Variants in VPS13B observed in about 807,000 individuals in gnomAD.
VPS13B encodes the protein intermembrane lipid transfer protein VPS13B.
In VPS13B, 285 loss-of-function variants were observed where a neutral mutation model predicts 426.4. The observed-to-expected ratio is 0.67, with a 90% confidence interval of 0.61 to 0.74. The LOEUF is 0.74. VPS13B is among the 30% of genes least tolerant of loss of function. VPS13B has a pLI of 0.00. For missense variants in VPS13B, 4,537 were observed against 4,782.6 expected (o/e 0.95, Z 1.51); for synonymous variants, 1,676 against 1,676.4 (o/e 1.00, Z 0.01).
chr8:99,642,203 A>C lies in VPS13B; in HGVS notation c.5613A>C (p.Thr1871=), dbSNP rs1417569777. ...KPNQACISTV[T]AEDLLRSSIS... The stretch of plus-strand genomic sequence containing the variant: ...ACCAGGCATGTATTTCCACGGTGAC[A>C]GCAGAAGATCTCTTAAGGAGCAGCA... Residue 1871 remains threonine (T), a synonymous_variant, in exon 34 of 62, where the codon ACA becomes ACC. Transcript: ENST00000357162. The C allele has an allele frequency of 2.5e-6, 4 of 1,614,066 alleles. No individual in the cohort carries two copies. Among genetic ancestry groups the C allele is most frequent in the Non-Finnish European group, 3.4e-6 (4 of 1,180,030 alleles).
intron 17 of VPS13B, among the ~76,000 whole-genome samples, chr8:99,273,945 C>CATTTACTTTT (rs1818752555): frequency 6.6e-6 from 1 of 151,872 alleles, no homozygotes; most frequent in Non-Finnish European, 1.5e-5. Context: ...AGTATTTGTG[C>CATTTACTTTT]ATTTACTTTT....
chr8:99,697,220 G>T, intron 35 of VPS13B: 1 of 571,124 alleles, frequency 1.8e-6, no homozygotes, highest in East Asian at 3.4e-5. Flanking sequence ...ACAAGGTAAA[G>T]CTGGAGGTCA....
At chr8:99,167,138 T>G (rs1390459866) in intron 15 of VPS13B, among the ~76,000 whole-genome samples, 1 of 152,186 alleles carries the variant, frequency 6.6e-6, no homozygotes, top group Non-Finnish European at 1.5e-5. Flanking sequence ...ATGAGATGAT[T>G]GAGTTAAATA....
At chr8:99,264,221 TA>T (rs901467443) in intron 17 of VPS13B, among the ~76,000 whole-genome samples, 7 of 152,022 alleles carry the variant, frequency 4.6e-5, no homozygotes, top group Admixed American at 1.3e-4. Context: ...TTTTTTTTTT[TA>T]ATGCTTTTTC....
chr8:99,688,066 G>T (rs181331142), intron 35 of VPS13B, among the ~76,000 whole-genome samples: 1 of 151,728 alleles, frequency 6.6e-6, no homozygotes, highest in Non-Finnish European at 1.5e-5. Context: ...ATGGGTTGGG[G>T]GAAGTGGGCT....
At chr8:99,425,506 A>T (rs1816645345) in intron 21 of VPS13B, among the ~76,000 whole-genome samples, 1 of 152,186 alleles carries the variant, frequency 6.6e-6, no homozygotes. Context: ...CCTTTGACAA[A>T]ATTCAACAGC....
rs146073786 is a variant in VPS13B at position 99,699,581 on chromosome 8, C to T, written c.6103C>T (p.Leu2035=). The part of the protein sequence containing the change: ...PLKANLSFTK[L]DQINLFLKKI... ...GAAAGCAAACCTGAGTTTCACCAAA[C>T]TGGATCAGATAAACCTTTTTTTAAA... The change falls in exon 36 of 62, where the codon CTG becomes TTG. Residue 2035 remains leucine, a synonymous_variant. Coordinates refer to ENST00000357162, the MANE Select transcript of VPS13B (RefSeq NM_152564.5). 3.1e-6 allele frequency: 5 copies of T among 1,614,076 alleles called. No individual in the cohort carries two copies. The East Asian group carries it at 8.9e-5, about 29-fold the overall frequency.
intron 21 of VPS13B, among the ~76,000 whole-genome samples, chr8:99,429,327 T>C (rs1816953937): frequency 6.6e-6 from 1 of 152,076 alleles, no homozygotes. Flanking sequence ...GTTGGATATC[T>C]GATGAAAAGG....
At chr8:99,181,581 C>T (rs901733384) in intron 16 of VPS13B, among the ~76,000 whole-genome samples, 1 of 152,152 alleles carries the variant, frequency 6.6e-6, no homozygotes, top group African/African-American at 2.4e-5. Flanking sequence ...AATGAGTTAA[C>T]AAATATGAGC....
chr8:99,808,566 G>A (rs16897726), intron 43 of VPS13B, among the ~76,000 whole-genome samples: 10,057 of 149,614 alleles, frequency 0.067, 501 homozygotes, highest in African/African-American at 0.14. Context: ...ATCATAGAAC[G>A]TTGTTTTCAT....
At chr8:99,835,874 T>C in intron 54 of VPS13B, 136 bp downstream of exon 54, 5 of 872,668 alleles carry the variant, frequency 5.7e-6, no homozygotes, top group Non-Finnish European at 8.9e-6. Flanking sequence ...TGTGTATCCA[T>C]TTTTACGTCC....
chr8:99,833,252 T>C (rs373866952), intron 52 of VPS13B, among the ~76,000 whole-genome samples: 1 of 152,196 alleles, frequency 6.6e-6, no homozygotes, highest in Non-Finnish European at 1.5e-5. Flanking sequence ...CAGAGACATA[T>C]AATGGTTTGT....
rs1365965796 is a variant in VPS13B at position 99,704,390 on chromosome 8, G to A, written c.6454+4458G>A. ...CCAACTTTTCATTCTATAGTTAACT[G>A]GGTCTCCCAGGGAAAATCTTATAAG... On this transcript the variant is annotated intron_variant, in intron 36 of 61. Coordinates refer to ENST00000357162, the MANE Select transcript of VPS13B (RefSeq NM_152564.5). Among the ~76,000 whole-genome samples the A allele has an allele frequency of 2.0e-5, 3 of 152,140 alleles. No homozygotes were observed. The East Asian group carries it at 5.8e-4, about 29-fold the overall frequency.
At chr8:99,048,159 G>A (rs1587960696) in intron 3 of VPS13B, among the ~76,000 whole-genome samples, 2 of 152,310 alleles carry the variant, frequency 1.3e-5, no homozygotes, top group East Asian at 3.9e-4. Flanking sequence ...GCATGGTTTT[G>A]AAGGTTCCTT....
chr8:99,105,010 T>G (rs1371423850), intron 5 of VPS13B, among the ~76,000 whole-genome samples: 1 of 152,224 alleles, frequency 6.6e-6, no homozygotes, highest in Non-Finnish European at 1.5e-5. Flanking sequence ...AAATCCCAGT[T>G]AAAGGGTTAA....
In VPS13B at chr8:99,853,661, T is replaced by A; in HGVS notation, c.10272T>A (p.Cys3424Ter). 6.2e-7 allele frequency: 1 copy of A among 1,613,922 alleles called. No homozygotes were observed. Among genetic ancestry groups the A allele is most frequent in the Non-Finnish European group, 8.5e-7 (1 of 1,179,930 alleles). Residue 3424 changes from cysteine to a stop codon, truncating the protein, a stop_gained, in exon 56 of 62, where the codon TGT becomes TGA. Transcript: ENST00000357162. LOFTEE classifies it high-confidence loss of function. ...AACTTTACTGTGTGGAGATCTGCTGTGGGGACCTGCAGCTAGACAACCAGC... is the reference window on the plus strand; with the variant it reads ...AACTTTACTGTGTGGAGATCTGCTGAGGGGACCTGCAGCTAGACAACCAGC... ...LFELYCVEIC[C>*]GDLQLDNQLY...
intron 17 of VPS13B, among the ~76,000 whole-genome samples, chr8:99,242,398 C>G (rs534935133): frequency 1.7e-4 from 26 of 152,264 alleles, no homozygotes; most frequent in African/African-American, 6.0e-4. Flanking sequence ...TTAGACATTG[C>G]TCAACAAGAA....
chr8:99,093,028 G>A (rs1203552645), intron 3 of VPS13B, among the ~76,000 whole-genome samples: 1 of 151,148 alleles, frequency 6.6e-6, no homozygotes, highest in East Asian at 1.9e-4. Flanking sequence ...AAAATCAATG[G>A]CACCACAAAT....
intron 21 of VPS13B, among the ~76,000 whole-genome samples, chr8:99,399,927 T>C (rs1339668940): frequency 6.6e-6 from 1 of 152,202 alleles, no homozygotes; most frequent in Non-Finnish European, 1.5e-5. Flanking sequence ...TGGATCGTTT[T>C]CTTGAGAGAG....
Sources: allele counts gnomAD v4.1 joint callset (sites outside exome capture counted in the v4.1 genomes callset), GRCh38; gene constraint gnomAD v4.1.1; transcripts MANE v1.5; gene names NCBI Gene and HGNC (gene_info 2026-07-23, HGNC 2026-07-21).